The following WNT7B variants were observed in gnomAD, a reference collection of about 807,000 sequenced individuals.
WNT7B encodes the protein protein Wnt-7b.
In WNT7B, 19 loss-of-function variants were observed where a neutral mutation model predicts 38.2. The ratio of observed to expected loss-of-function variants is 0.50; its 90% confidence interval spans 0.35 to 0.73. The LOEUF (loss-of-function observed/expected upper bound fraction) is 0.73, where lower values mean the gene tolerates loss of function less well. Ranked by LOEUF, WNT7B falls within the 30% of genes least tolerant of loss-of-function variation. WNT7B has a pLI of 0.01. For synonymous variants in WNT7B, 243 were observed against 209.3 expected, an observed-to-expected ratio of 1.16 and a Z score of -1.39; for missense variants, 423 against 507.9, an observed-to-expected ratio of 0.83 and a Z score of 1.61.
chr22:45,970,362 G>C (rs527423872), intron 1 of WNT7B, among the ~76,000 whole-genome samples: 2 of 152,202 alleles, frequency 1.3e-5, no homozygotes, highest in South Asian at 4.1e-4. Context: ...AGCCTGGCGG[G>C]GGTAGTCACT....
At chr22:45,961,617 G>A (rs888568933) in intron 1 of WNT7B, among the ~76,000 whole-genome samples, 18 of 151,690 alleles carry the variant, frequency 1.2e-4, no homozygotes, top group African/African-American at 4.4e-4. Context: ...CAGGGAGCTG[G>A]GCAGGTGGGG....
chr22:45,930,965 A>G (rs765398416), intron 3 of WNT7B, 133 bp downstream of exon 3: 6 of 1,271,962 alleles, frequency 4.7e-6, no homozygotes, highest in Admixed American at 3.0e-5. Flanking sequence ...TGGAGGACCC[A>G]GACGGCCCCA....
Position 45,951,762 on chromosome 22 carries a change from C to A in WNT7B, c.72-1616G>T, listed in dbSNP as rs1174451806. Among the ~76,000 whole-genome samples the A allele has an allele frequency of 6.6e-6, 1 of 152,176 alleles. No homozygotes were observed. Among genetic ancestry groups the A allele is most frequent in the Non-Finnish European group, 1.5e-5 (1 of 68,050 alleles). The stretch of plus-strand genomic sequence containing the variant: ...AGTGATATTCCATTGTGTGGACAGA[C>A]CATATTTTGTGTATCCATTCATGGC... On this transcript the variant is annotated intron_variant, in intron 1 of 3. Transcript: ENST00000339464. This position sits in a 1 kb window ranked among gnomAD's most constrained non-coding sequence, Gnocchi z 4.8.
intron 3 of WNT7B, chr22:45,926,816 G>A (rs1422374098): frequency 4.5e-5 from 44 of 985,320 alleles, no homozygotes; most frequent in Non-Finnish European, 5.1e-5. Context: ...GTTACATCAT[G>A]AGCCACTGGC....
At chr22:45,955,596 G>A (rs1181156377) in intron 1 of WNT7B, among the ~76,000 whole-genome samples, 1 of 152,188 alleles carries the variant, frequency 6.6e-6, no homozygotes. Context: ...GAGATGCTGG[G>A]AGCGGGGGCA....
At chr22:45,924,021 C>G (rs867083415) in intron 3 of WNT7B, among the ~76,000 whole-genome samples, 25 of 152,220 alleles carry the variant, frequency 1.6e-4, no homozygotes, top group African/African-American at 5.8e-4. Flanking sequence ...CTTGGGCCTC[C>G]CTCCATGGCC....
At position 45,921,856 on chromosome 22, in the gene WNT7B, G is replaced by C. The variant is rs1354233941; in HGVS notation, c.*1000C>G. 4 of 152,238 alleles carry C rather than the reference G, an allele frequency of 2.6e-5. No homozygotes were observed. The highest frequency in any genetic ancestry group is 2.0e-4 in the Admixed American group (3 of 15,280). 9.4% of individuals were successfully genotyped at this position (152,238 alleles called of 1,614,324 possible). On this transcript the variant is annotated 3_prime_UTR_variant, in exon 4 of 4. Transcript: ENST00000339464. ...GCTCATTGCAACCTCCACCTCCCGG[G>C]TTCAAGCAAGTGTCCTGTCTCAGCC...
intron 1 of WNT7B, among the ~76,000 whole-genome samples, chr22:45,953,380 T>C (rs1327502170): frequency 1.3e-5 from 2 of 152,144 alleles, no homozygotes; most frequent in Non-Finnish European, 2.9e-5. Context: ...ATGCCCCGCT[T>C]CCCCAGCAGA....
At chr22:45,967,795 G>A (rs1252831750) in intron 1 of WNT7B, among the ~76,000 whole-genome samples, 1 of 152,130 alleles carries the variant, frequency 6.6e-6, no homozygotes, top group East Asian at 1.9e-4. Context: ...TGTGAATGAG[G>A]GAACAATAAT....
intron 1 of WNT7B, among the ~76,000 whole-genome samples, chr22:45,973,101 G>A (rs943870434): frequency 6.6e-6 from 1 of 152,268 alleles, no homozygotes; most frequent in Non-Finnish European, 1.5e-5. Context: ...GGAAGGCATC[G>A]CCAGCAGGTG....
intron 1 of WNT7B, among the ~76,000 whole-genome samples, chr22:45,952,600 C>T (rs1461477158): frequency 6.6e-6 from 1 of 152,264 alleles, no homozygotes; most frequent in Non-Finnish European, 1.5e-5. Context: ...CCGCCTCAGT[C>T]CCAGCCTGAG....
chr22:45,947,986 A>G (rs1311739624), intron 2 of WNT7B, among the ~76,000 whole-genome samples: 1 of 152,038 alleles, frequency 6.6e-6, no homozygotes, highest in South Asian at 2.1e-4. Flanking sequence ...CACGTCCCTC[A>G]CCCCATGTCT....
At chr22:45,935,276 A>G (rs1019282325) in intron 2 of WNT7B, among the ~76,000 whole-genome samples, 3 of 152,150 alleles carry the variant, frequency 2.0e-5, no homozygotes, top group Non-Finnish European at 4.4e-5. Flanking sequence ...GTGGCCCCCA[A>G]GGCCTCTGAG....
Position 45,944,393 on chromosome 22 carries a change from G to A in WNT7B, c.298+5527C>T, listed in dbSNP as rs79254110. ...TCAGGCTCCGTCCTCCCAGGAGCCT[G>A]TGAGCTGCCTTCCCGGGGAGGGGCA... On this transcript the variant is annotated intron_variant, in intron 2 of 3. Coordinates refer to ENST00000339464, the MANE Select transcript of WNT7B (RefSeq NM_058238.3). 2.3e-4 allele frequency among the ~76,000 whole-genome samples: 35 copies of A among 152,340 alleles called. No homozygotes were observed. The South Asian group carries it at 7.0e-3, about 31-fold the overall frequency.
intron 2 of WNT7B, among the ~76,000 whole-genome samples, chr22:45,947,533 G>A (rs577083022): frequency 6.6e-6 from 1 of 152,354 alleles, no homozygotes; most frequent in East Asian, 1.9e-4. Context: ...TGGGTCGCAG[G>A]GAATGGAAGC....
chr22:45,959,041 C>A (rs1932135467), intron 1 of WNT7B, among the ~76,000 whole-genome samples: 2 of 152,228 alleles, frequency 1.3e-5, no homozygotes, highest in African/African-American at 4.8e-5. Context: ...TCTTACTCCC[C>A]ACGATATGCT....
intron 1 of WNT7B, among the ~76,000 whole-genome samples, chr22:45,952,692 G>A (rs1469357332): frequency 6.6e-6 from 1 of 152,218 alleles, no homozygotes; most frequent in East Asian, 1.9e-4. Flanking sequence ...CCTTGCTGGG[G>A]GGACCCTGAT....
At chr22:45,929,827 T>G (rs1040414093) in intron 3 of WNT7B, among the ~76,000 whole-genome samples, 2 of 151,462 alleles carry the variant, frequency 1.3e-5, no homozygotes, top group Admixed American at 6.6e-5. Context: ...TATCTTCCCA[T>G]GCACTCTTCT....
intron 2 of WNT7B, among the ~76,000 whole-genome samples, chr22:45,934,826 G>T (rs539893126): frequency 6.6e-6 from 1 of 152,218 alleles, no homozygotes; most frequent in African/African-American, 2.4e-5. Flanking sequence ...CTGGTCTCTC[G>T]TCATGGAGAC....
Sources: allele counts gnomAD v4.1 joint callset (sites outside exome capture counted in the v4.1 genomes callset), GRCh38; gene constraint gnomAD v4.1.1; non-coding constraint Gnocchi (gnomAD v3.1); transcripts MANE v1.5; gene names NCBI Gene and HGNC (gene_info 2026-07-23, HGNC 2026-07-21).